Variants in RUFY1 observed in about 807,000 individuals in gnomAD.
The protein encoded by RUFY1 is RUN and FYVE domain containing 1.
In RUFY1, 54 loss-of-function variants were observed where a neutral mutation model predicts 94.6. The ratio of observed to expected loss-of-function variants is 0.57; its 90% CI spans 0.46 to 0.72. The LOEUF (loss-of-function observed/expected upper bound fraction) is 0.72, where lower values mean the gene tolerates loss of function less well. Among genes scored for constraint, RUFY1 ranks in the 30% least tolerant of loss-of-function variants. RUFY1 has a pLI of 0.00. For missense variants in RUFY1, 883 were observed against 883.9 expected (o/e 1.00, Z 0.01); for synonymous variants, 396 against 347.3 (o/e 1.14, Z -1.56).
intron 1 of RUFY1, among the ~76,000 whole-genome samples, chr5:179,557,576 A>G (rs1368564627): frequency 1.3e-5 from 2 of 152,174 alleles, no homozygotes; most frequent in African/African-American, 4.8e-5. Flanking sequence ...ACTTTTTGAC[A>G]AAAATACTTT....
chr5:179,585,702 C>T (rs1764555248), intron 7 of RUFY1, 94 bp from the exon 8 acceptor site: 3 of 911,684 alleles, frequency 3.3e-6, no homozygotes, highest in African/African-American at 3.3e-5. Context: ...CCATTTCATA[C>T]AGGAAATCTA....
intron 6 of RUFY1, 21 bp from the exon 7 acceptor site, chr5:179,580,926 T>C (rs1381576406): frequency 1.3e-6 from 2 of 1,495,522 alleles, no homozygotes; most frequent in African/African-American, 1.4e-5. Flanking sequence ...AAGTTCTTCC[T>C]TCTTATGCTC....
At chr5:179,551,921 T>G (rs1429118841) in intron 1 of RUFY1, among the ~76,000 whole-genome samples, 1 of 151,570 alleles carries the variant, frequency 6.6e-6, no homozygotes. Flanking sequence ...ATCCCAGCAC[T>G]TTGGGAGGCC....
chr5:179,597,736 G>A (rs1445359103), intron 13 of RUFY1, among the ~76,000 whole-genome samples: 1 of 151,458 alleles, frequency 6.6e-6, no homozygotes, highest in East Asian at 1.9e-4. Context: ...AGAGAGAAGA[G>A]ACATCTTTAT....
At chr5:179,569,246 A>C in intron 4 of RUFY1, 56 bp from the exon 5 acceptor site, 1 of 1,611,782 alleles carries the variant, frequency 6.2e-7, no homozygotes, top group Non-Finnish European at 8.5e-7. Context: ...GTGGGGAAGG[A>C]GTGGGGATGG....
Position 179,572,441 on chromosome 5 carries a change from G to C in RUFY1, c.828+3016G>C. 1.6e-5 allele frequency: 3 copies of C among 186,470 alleles called. No homozygotes were observed. In the South Asian group the frequency reaches 2.4e-4, roughly 15 times the overall value. 11.6% of individuals were successfully genotyped at this position (186,470 alleles called of 1,614,324 possible). On this transcript the variant is annotated intron_variant, in intron 5 of 17. Coordinates refer to ENST00000319449, the MANE Select transcript of RUFY1 (RefSeq NM_025158.5). ...CAACCCCCAGAAGTAGGGAGGCTTA[G>C]GCCCCCGAGCATCCCCCACCCGCTG...
At chr5:179,580,647 G>A (rs1261907550) in intron 6 of RUFY1, among the ~76,000 whole-genome samples, 1 of 151,904 alleles carries the variant, frequency 6.6e-6, no homozygotes, top group Non-Finnish European at 1.5e-5. Flanking sequence ...GTAGTATAAG[G>A]GTTGTGTCGA....
At chr5:179,579,657 C>CTTTTTCTTTT (rs1554118792) in intron 6 of RUFY1, among the ~76,000 whole-genome samples, 14 of 50,560 alleles carry the variant, frequency 2.8e-4, no homozygotes, top group Non-Finnish European at 3.8e-4. Context: ...TTTTCTTCTT[C>CTTTTTCTTTT]TTTTTTTTTT....
intron 7 of RUFY1, among the ~76,000 whole-genome samples, chr5:179,582,650 C>G (rs1199143763): frequency 6.6e-6 from 1 of 151,880 alleles, no homozygotes; most frequent in Non-Finnish European, 1.5e-5. Context: ...GTTGGGAGTT[C>G]GAGACCAACA....
intron 10 of RUFY1, among the ~76,000 whole-genome samples, chr5:179,592,553 T>C (rs1581521176): frequency 1.3e-5 from 2 of 152,184 alleles, no homozygotes; most frequent in South Asian, 4.1e-4. Context: ...CGCCTGGCCA[T>C]TTTATAAATC....
At chr5:179,591,200 G>A (rs1201860169) in intron 9 of RUFY1, among the ~76,000 whole-genome samples, 1 of 148,714 alleles carries the variant, frequency 6.7e-6, no homozygotes, top group South Asian at 2.1e-4. Flanking sequence ...TTTTTTTGGT[G>A]GGGGGATGGA....
At chr5:179,588,578 T>C (rs529006592) in intron 8 of RUFY1, among the ~76,000 whole-genome samples, 1 of 152,334 alleles carries the variant, frequency 6.6e-6, no homozygotes, top group African/African-American at 2.4e-5. Flanking sequence ...CTGCAAATTC[T>C]TTAATTCTCC....
At chr5:179,607,022 C>G (rs1182060124) in intron 16 of RUFY1, 3 of 154,276 alleles carry the variant, frequency 1.9e-5, no homozygotes, top group African/African-American at 7.2e-5. Flanking sequence ...GGAATGGAGT[C>G]CATGTGCTCC....
chr5:179,561,051 C>G (rs1290094289), intron 2 of RUFY1, among the ~76,000 whole-genome samples: 2 of 150,862 alleles, frequency 1.3e-5, no homozygotes, highest in African/African-American at 4.9e-5. Flanking sequence ...CCTCTGCTAA[C>G]AACACAAAAA....
At chr5:179,581,531 T>C (rs568139856) in intron 7 of RUFY1, among the ~76,000 whole-genome samples, 15 of 150,330 alleles carry the variant, frequency 1.0e-4, no homozygotes, top group African/African-American at 3.4e-4. Flanking sequence ...TGGAGAGACA[T>C]GTTATTCCCT....
intron 6 of RUFY1, among the ~76,000 whole-genome samples, chr5:179,580,341 C>T (rs959661121): frequency 6.6e-6 from 1 of 151,164 alleles, no homozygotes; most frequent in East Asian, 2.0e-4. Context: ...CTCCCGGGTT[C>T]ACGCCATTCT....
At chr5:179,576,177 A>G (rs1371495500) in intron 5 of RUFY1, among the ~76,000 whole-genome samples, 3 of 152,216 alleles carry the variant, frequency 2.0e-5, no homozygotes, top group Admixed American at 2.0e-4. Flanking sequence ...ACTTTTCTCT[A>G]TTGATGAACA....
chr5:179,568,192 C>T (rs1762977301), intron 4 of RUFY1, among the ~76,000 whole-genome samples: 1 of 152,006 alleles, frequency 6.6e-6, no homozygotes, highest in Non-Finnish European at 1.5e-5. Context: ...TTGCAGTGAG[C>T]CAAGATCACA....
chr5:179,590,575 C>T (rs1764985186), intron 9 of RUFY1, among the ~76,000 whole-genome samples: 2 of 151,376 alleles, frequency 1.3e-5, no homozygotes, highest in African/African-American at 4.8e-5. Context: ...AGCTCCGCCT[C>T]CCAGGTTCAC....
Sources: gnomAD v4.1 joint callset for allele counts (sites outside exome capture counted in the v4.1 genomes callset) on GRCh38, gnomAD v4.1.1 for gene constraint, MANE v1.5 for transcripts, NCBI Gene and HGNC (gene_info 2026-07-23, HGNC 2026-07-21) for gene names.